C1orf21: variants seen among roughly 807,000 people sequenced by gnomAD.
The protein encoded by C1orf21 is chromosome 1 open reading frame 21.
Under a neutral mutation model 18.7 loss-of-function variants are expected in C1orf21, and 3 were observed. That is an observed-to-expected ratio of 0.16 (90% CI 0.07 to 0.42). The LOEUF (loss-of-function observed/expected upper bound fraction) is 0.42. Among genes scored for constraint, C1orf21 ranks in the 10% least tolerant of loss-of-function variants. The probability of loss-of-function intolerance (pLI) is 0.99; values close to 1 mark genes in which losing one functional copy is unlikely to be tolerated. For missense variants in C1orf21, 104 were observed against 143.6 expected, an observed-to-expected ratio of 0.72 and a Z score of 1.41; for synonymous variants, 41 against 46.4, an observed-to-expected ratio of 0.88 and a Z score of 0.47.
intron 3 of C1orf21, among the ~76,000 whole-genome samples, chr1:184,512,505 G>A (rs1040954428): frequency 1.3e-5 from 2 of 152,162 alleles, no homozygotes; most frequent in Non-Finnish European, 1.5e-5. Context: ...AGTCATTTAT[G>A]TACTCACAAT....
At chr1:184,547,777 T>C (rs1018840095) in intron 3 of C1orf21, among the ~76,000 whole-genome samples, 4 of 152,188 alleles carry the variant, frequency 2.6e-5, no homozygotes, top group African/African-American at 9.7e-5. Flanking sequence ...ATAATCAAAA[T>C]ACTGGAGTAT....
intron 3 of C1orf21, among the ~76,000 whole-genome samples, chr1:184,588,652 T>C (rs1571291396): frequency 6.6e-6 from 1 of 152,304 alleles, no homozygotes; most frequent in East Asian, 1.9e-4. Flanking sequence ...TGAGTTAATA[T>C]ATATAAATAT....
chr1:184,620,569 A>G lies in C1orf21; in HGVS notation c.*1013A>G, dbSNP rs1263477588. On this transcript the variant is annotated 3_prime_UTR_variant, in exon 6 of 6. Coordinates refer to ENST00000235307, the MANE Select transcript of C1orf21 (RefSeq NM_030806.4). ...ATTTTGTTAGCAAATAAACCATCCT[A>G]TTTTGTAACTCTCCCCCTTCAAAAT... The G allele has an allele frequency of 2.6e-5, 4 of 152,576 alleles. No individual in the cohort carries two copies. The highest frequency in any genetic ancestry group is 4.4e-5 in the Non-Finnish European group (3 of 68,016). 9.5% of individuals were successfully genotyped at this position (152,576 alleles called of 1,614,324 possible).
chr1:184,594,270 A>T (rs190658037), intron 4 of C1orf21, among the ~76,000 whole-genome samples: 3 of 152,320 alleles, frequency 2.0e-5, no homozygotes, highest in East Asian at 1.9e-4. Context: ...TCAGGCCAAG[A>T]TTTACCAGGA....
At chr1:184,434,731 C>T (rs758519870) in intron 1 of C1orf21, among the ~76,000 whole-genome samples, 17 of 152,124 alleles carry the variant, frequency 1.1e-4, no homozygotes, top group Non-Finnish European at 2.1e-4. Flanking sequence ...GAGCAATCCA[C>T]ATAAGATATT....
At chr1:184,459,195 C>G (rs908102215) in intron 1 of C1orf21, among the ~76,000 whole-genome samples, 2 of 152,132 alleles carry the variant, frequency 1.3e-5, no homozygotes, top group African/African-American at 4.8e-5. Context: ...GGAAAGTGGT[C>G]TATAGAATAA....
chr1:184,456,971 G>C (rs1384188463), intron 1 of C1orf21, among the ~76,000 whole-genome samples: 1 of 152,178 alleles, frequency 6.6e-6, no homozygotes, highest in African/African-American at 2.4e-5. Flanking sequence ...CATTTAGAGA[G>C]TTATAAAACC....
intron 1 of C1orf21, among the ~76,000 whole-genome samples, chr1:184,467,926 TC>T (rs1369838166): frequency 6.6e-6 from 1 of 151,972 alleles, no homozygotes; most frequent in Non-Finnish European, 1.5e-5. Flanking sequence ...TTTCCATCAG[TC>T]ACAAAAATCA....
At chr1:184,420,158 A>G (rs1037424465) in intron 1 of C1orf21, among the ~76,000 whole-genome samples, 2 of 152,112 alleles carry the variant, frequency 1.3e-5, no homozygotes, top group African/African-American at 4.8e-5. Context: ...AAATCTTGAA[A>G]TATCTGATTA....
chr1:184,387,777 C>G lies in C1orf21; in HGVS notation c.-125+409C>G, dbSNP rs764009403. Among the ~76,000 whole-genome samples the G allele has an allele frequency of 2.6e-5, 4 of 152,148 alleles. No homozygotes were observed. The highest frequency in any genetic ancestry group is 6.5e-5 in the Admixed American group (1 of 15,292). On this transcript the variant is annotated intron_variant, in intron 1 of 5. Coordinates refer to ENST00000235307, the MANE Select transcript of C1orf21 (RefSeq NM_030806.4). This position sits in a 1 kb window ranked among gnomAD's most constrained non-coding sequence, Gnocchi z 5.6. ...TCTAGCTTTGCATGTAGCCACCGTA[C>G]TTTGCAAGCCAGAGCTTGAAAGGAA...
chr1:184,525,369 A>T (rs1459148123), intron 3 of C1orf21, among the ~76,000 whole-genome samples: 3 of 152,098 alleles, frequency 2.0e-5, no homozygotes, highest in Non-Finnish European at 2.9e-5. Context: ...CAACTTTACT[A>T]GTTTTAATTT....
intron 1 of C1orf21, among the ~76,000 whole-genome samples, chr1:184,410,943 C>T (rs907993298): frequency 2.6e-5 from 4 of 151,620 alleles, no homozygotes; most frequent in East Asian, 2.0e-4. Flanking sequence ...TGAGCCACCG[C>T]GCCTGGCCTC....
chr1:184,515,217 G>C (rs1658205995), intron 3 of C1orf21, among the ~76,000 whole-genome samples: 1 of 152,082 alleles, frequency 6.6e-6, no homozygotes, highest in African/African-American at 2.4e-5. Flanking sequence ...TGCATGTGGT[G>C]GTTAAAGGGG....
At chr1:184,490,183 G>A (rs1195570052) in intron 2 of C1orf21, among the ~76,000 whole-genome samples, 1 of 152,202 alleles carries the variant, frequency 6.6e-6, no homozygotes, top group Non-Finnish European at 1.5e-5. Flanking sequence ...TTCATCCTAA[G>A]AAGCACTCGT....
chr1:184,557,249 TTTC>T (rs1028643943), intron 3 of C1orf21, among the ~76,000 whole-genome samples: 3 of 152,170 alleles, frequency 2.0e-5, no homozygotes, highest in Admixed American at 2.0e-4. Flanking sequence ...TGTGTGTTTT[TTTC>T]TTTTTTTTAA....
intron 1 of C1orf21, among the ~76,000 whole-genome samples, chr1:184,393,332 C>A (rs535258035): frequency 6.6e-6 from 1 of 151,634 alleles, no homozygotes; most frequent in African/African-American, 2.4e-5. Context: ...CCTACTTTGC[C>A]CCACACCTCC....
chr1:184,567,385 G>C (rs1250887927), intron 3 of C1orf21: 1 of 498,006 alleles, frequency 2.0e-6, no homozygotes, highest in African/African-American at 2.0e-5. Context: ...TCTTGTTTGG[G>C]GAACCTCATA....
At chr1:184,399,066 G>A (rs1011638090) in intron 1 of C1orf21, among the ~76,000 whole-genome samples, 3 of 151,624 alleles carry the variant, frequency 2.0e-5, no homozygotes, top group Non-Finnish European at 2.9e-5. Context: ...TTACTTTTTT[G>A]CGTTTTTGGG....
intron 3 of C1orf21, among the ~76,000 whole-genome samples, chr1:184,523,775 C>T (rs1198679083): frequency 2.0e-5 from 3 of 152,122 alleles, no homozygotes; most frequent in Non-Finnish European, 4.4e-5. Flanking sequence ...AGGACCTATA[C>T]CATACACACT....
Sources: gnomAD v4.1 joint callset for allele counts (sites outside exome capture counted in the v4.1 genomes callset) on GRCh38, gnomAD v4.1.1 for gene constraint, Gnocchi (gnomAD v3.1) non-coding constraint, MANE v1.5 for transcripts, NCBI Gene and HGNC (gene_info 2026-07-23, HGNC 2026-07-21) for gene names.